PRRT3: variants seen among roughly 807,000 people sequenced by gnomAD.
The protein encoded by PRRT3 is proline-rich transmembrane protein 3.
PRRT3 carries 48 observed loss-of-function variants against 56.6 expected under a neutral mutation model. The ratio of observed to expected loss-of-function variants is 0.85; its 90% CI spans 0.67 to 1.08. The LOEUF is 1.08. Among genes scored for constraint, PRRT3 ranks in the 50% least tolerant of loss-of-function variants. The pLI is 0.00. For missense variants in PRRT3, 1,370 were observed against 1,353.1 expected, an observed-to-expected ratio of 1.01 and a Z score of -0.20; for synonymous variants, 641 against 619.1, an observed-to-expected ratio of 1.04 and a Z score of -0.52.
rs938172555 is a variant in PRRT3 at position 9,946,870 on chromosome 3, C to A, written c.2303G>T (p.Ser768Ile). Residue 768 changes from serine (S) to isoleucine (I), a missense_variant, in exon 4 of 4, where the codon AGT becomes ATT. Coordinates refer to ENST00000412055, the MANE Select transcript of PRRT3 (RefSeq NM_207351.5). The surrounding 1 kb of genome is among the most constrained non-coding windows in gnomAD (Gnocchi z 4.1). The stretch of plus-strand genomic sequence containing the variant: ...CGCAGCCGAGCCCCAGGCGCCTGAA[C>A]TGGGCGTGGCCAGCTGCCCACTCTC... Reference protein sequence around the residue: ...PAESGQLATPSSGAWGSAASL... With the variant: ...PAESGQLATPISGAWGSAASL... The A allele has an allele frequency of 9.1e-6, 14 of 1,539,074 alleles. No homozygotes were observed. Among genetic ancestry groups the A allele is most frequent in the Non-Finnish European group, 1.2e-5 (14 of 1,148,316 alleles).
rs777969629 is a variant in PRRT3 at position 9,946,260 on chromosome 3, G to C, written c.2913C>G (p.Ser971=). 6.2e-7 allele frequency: 1 copy of C among 1,612,782 alleles called. No homozygotes were observed. The change falls in exon 4 of 4, where the codon TCC becomes TCG. Residue 971 remains serine, a synonymous_variant. Transcript: ENST00000412055. This position sits in a 1 kb window ranked among gnomAD's most constrained non-coding sequence, Gnocchi z 4.1. The part of the protein sequence containing the change: ...EVQPRGKPGE[S]RSASSDTIEL ...CGATGGTATCACTGGAGGCGCTGCG[G>C]GATTCCCCAGGCTTGCCGCGCGGCT... is the stretch of plus-strand genomic sequence containing the variant.
At position 9,946,301 on chromosome 3, in the gene PRRT3, C is replaced by T; in HGVS notation, c.2872G>A (p.Gly958Ser). 6.2e-7 allele frequency: 1 copy of T among 1,612,714 alleles called. No homozygotes were observed. Among genetic ancestry groups the T allele is most frequent in the Non-Finnish European group, 8.5e-7 (1 of 1,179,844 alleles). Reference protein sequence around the residue: ...PDSTAARQGDGQGEVQPRGKP... With the variant: ...PDSTAARQGDSQGEVQPRGKP... Reference sequence around the variant, plus strand: ...CCGCGCGGCTGGACCTCTCCCTGGCCGTCCCCCTGCCGAGCGGCGGTAGAA... The same window carrying T: ...CCGCGCGGCTGGACCTCTCCCTGGCTGTCCCCCTGCCGAGCGGCGGTAGAA... Residue 958 changes from glycine to serine, a missense_variant, in exon 4 of 4, where the codon GGC becomes AGC. Transcript: ENST00000412055. The surrounding 1 kb of genome is among the most constrained non-coding windows in gnomAD (Gnocchi z 4.1).
chr3:9,949,080 A>T lies in PRRT3; in HGVS notation c.1015+21T>A, dbSNP rs373223314. On this transcript the variant is annotated intron_variant, in intron 2 of 3. Transcript: ENST00000412055. The surrounding 1 kb of genome is among the most constrained non-coding windows in gnomAD (Gnocchi z 4.5). ...ATCCAGCTGCCCCAGAACATCGCTC[A>T]GCACACTCATTGATACCCACCTGGC... 1.3e-5 allele frequency: 20 copies of T among 1,574,232 alleles called. No individual in the cohort carries two copies. The African/African-American group carries it at 2.6e-4, about 20-fold the overall frequency.
Position 9,947,233 on chromosome 3 carries a change from C to G in PRRT3, c.1940G>C (p.Gly647Ala). The change falls in exon 4 of 4, where the codon GGG (glycine) becomes GCG (alanine). Residue 647 changes from glycine to alanine, a missense_variant. By Grantham distance (60) the Gly-to-Ala change is moderately conservative. Transcript: ENST00000412055. The surrounding 1 kb of genome is among the most constrained non-coding windows in gnomAD (Gnocchi z 9.2). ...CAGCTGCAAGCCGCTAGCCAGCAGC[C>G]CCAGCGCGCCCGCCACAGCCAACAG... ...PRLLAVAGAL[G>A]LLASGLQLAA... The G allele has an allele frequency of 6.7e-7, 1 of 1,491,882 alleles. No homozygotes were observed. 92.4% of individuals were successfully genotyped at this position (1,491,882 alleles called of 1,614,324 possible).
In PRRT3 at chr3:9,947,261, G is replaced by A; in HGVS notation, c.1912C>T (p.Arg638Trp). Residue 638 changes from arginine to tryptophan, a missense_variant, in exon 4 of 4, where the codon CGG (arginine) becomes TGG (tryptophan). Arg to Trp is a moderately radical substitution (Grantham distance 101). Transcript: ENST00000412055. This position sits in a 1 kb window ranked among gnomAD's most constrained non-coding sequence, Gnocchi z 9.2. ...PRGWDASPGP[R>W]LLAVAGALGL... is the part of the protein sequence containing the mutation. ...AGCGCGCCCGCCACAGCCAACAGCCGAGGGCCCGGGCTGGCATCCCAGCCC... is the reference window on the plus strand; with the variant it reads ...AGCGCGCCCGCCACAGCCAACAGCCAAGGGCCCGGGCTGGCATCCCAGCCC... The A allele has an allele frequency of 6.6e-7, 1 of 1,512,966 alleles. No homozygotes were observed. 93.7% of individuals were successfully genotyped at this position (1,512,966 alleles called of 1,614,324 possible). A position where few individuals can be genotyped will look rare whatever the true frequency, so the allele number is the denominator to read the frequency against.
At position 9,947,487 on chromosome 3, in the gene PRRT3, C is replaced by G. The variant is rs758306980; in HGVS notation, c.1686G>C (p.Ala562=). 10 of 1,612,284 alleles carry G rather than the reference C, an allele frequency of 6.2e-6. No homozygotes were observed. Among genetic ancestry groups the G allele is most frequent in the Non-Finnish European group, 8.5e-6 (10 of 1,179,642 alleles). The change falls in exon 4 of 4, where the codon GCG becomes GCC. Residue 562 remains alanine (A), a synonymous_variant. Transcript: ENST00000412055. The surrounding 1 kb of genome is among the most constrained non-coding windows in gnomAD (Gnocchi z 9.2). The part of the protein sequence containing the change: ...LAALTLLGLG[A]GLPPPLQNPL... ...GGTTTTGCAGCGGTGGCGGCAGCCC[C>G]GCGCCCAGGCCGAGCAGAGTCAGGG... is the stretch of plus-strand genomic sequence containing the variant.
chr3:9,946,944 A>C lies in PRRT3; in HGVS notation c.2229T>G (p.Val743=). The change falls in exon 4 of 4, where the codon GTT becomes GTG. Residue 743 remains valine, a synonymous_variant. Coordinates refer to ENST00000412055, the MANE Select transcript of PRRT3 (RefSeq NM_207351.5). The surrounding 1 kb of genome is among the most constrained non-coding windows in gnomAD (Gnocchi z 4.1). ...TGCTGATGTCCAAGCTGCCTGCACC[A>C]ACGTTGCTGGGCCCTGCATAGCAGT... is the stretch of plus-strand genomic sequence containing the variant. ...PNNCYAGPSN[V]GAGSLDISKS... The C allele has an allele frequency of 1.3e-6, 2 of 1,542,188 alleles. No individual in the cohort carries two copies. Among genetic ancestry groups the C allele is most frequent in the Non-Finnish European group, 1.7e-6 (2 of 1,149,078 alleles).
At chr3:9,948,106 C>G in intron 3 of PRRT3, 105 bp from the exon 4 acceptor site, 10 of 1,219,412 alleles carry the variant, frequency 8.2e-6, no homozygotes, top group Non-Finnish European at 1.0e-5. Flanking sequence ...AACAAATCTG[C>G]AAAATGGAGA....
In PRRT3 at chr3:9,946,576, G is replaced by T. The variant is rs1192984014; in HGVS notation, c.2597C>A (p.Ser866Ter). The T allele has an allele frequency of 5.0e-6, 7 of 1,410,272 alleles. No homozygotes were observed. Among genetic ancestry groups the T allele is most frequent in the Non-Finnish European group, 6.5e-6 (7 of 1,084,400 alleles). 87.4% of individuals were successfully genotyped at this position (1,410,272 alleles called of 1,614,324 possible). A position where few individuals can be genotyped will look rare whatever the true frequency, so the allele number is the denominator to read the frequency against. ...CGACCTGCAGCGGCCGCGGAGGAGCGAGGAGCCAGCGTCGTCGAGCTCGGC... is the reference window on the plus strand; with the variant it reads ...CGACCTGCAGCGGCCGCGGAGGAGCTAGGAGCCAGCGTCGTCGAGCTCGGC... ...PKAELDDAGS[S>*]LLRGRCRSLS... The change falls in exon 4 of 4, where the codon TCG (serine) becomes TAG (stop). Residue 866 changes from serine (S) to a stop codon, truncating the protein, a stop_gained. Coordinates refer to ENST00000412055, the MANE Select transcript of PRRT3 (RefSeq NM_207351.5). LOFTEE classifies it low-confidence loss of function (END_TRUNC). This position sits in a 1 kb window ranked among gnomAD's most constrained non-coding sequence, Gnocchi z 4.1.
chr3:9,946,434 C>A lies in PRRT3; in HGVS notation c.2739G>T (p.Lys913Asn). Reference sequence around the variant, plus strand: ...CGTGGCGCCAGGGGTTCCAACTGATCTTGAGTGAACCCCTGGAGAAGCTGT... The same window carrying A: ...CGTGGCGCCAGGGGTTCCAACTGATATTGAGTGAACCCCTGGAGAAGCTGT... ...SLDSFSRGSL[K>N]ISWNPWRHGL... is the part of the protein sequence containing the mutation. The change falls in exon 4 of 4, where the codon AAG becomes AAT. Residue 913 changes from lysine (K) to asparagine (N), a missense_variant. By Grantham distance (94) the Lys-to-Asn change is moderately conservative. Coordinates refer to ENST00000412055, the MANE Select transcript of PRRT3 (RefSeq NM_207351.5). This position sits in a 1 kb window ranked among gnomAD's most constrained non-coding sequence, Gnocchi z 4.1. The A allele has an allele frequency of 6.3e-7, 1 of 1,596,044 alleles. No individual in the cohort carries two copies. The highest frequency in any genetic ancestry group is 1.1e-5 in the South Asian group (1 of 89,120).
Position 9,949,101 on chromosome 3 carries a change from C to A in PRRT3, c.1015G>T (p.Glu339Ter), listed in dbSNP as rs1365656976. The change falls in exon 2 of 4, where the codon GAG becomes TAG. Residue 339 changes from glutamate (E) to a stop codon, truncating the protein, a stop_gained and splice_region_variant. Transcript: ENST00000412055. LOFTEE classifies it high-confidence loss of function. This position sits in a 1 kb window ranked among gnomAD's most constrained non-coding sequence, Gnocchi z 4.5. ...GCTCAGCACACTCATTGATACCCAC[C>A]TGGCTTAGACGGCCGATCAGGAGCC... ...SEAPDRPSKP[E>*]RAAMNGADPI... The A allele has an allele frequency of 1.3e-6, 2 of 1,596,104 alleles. No homozygotes were observed. The highest frequency in any genetic ancestry group is 1.8e-5 in the Admixed American group (1 of 56,396).
chr3:9,950,832 A>C (rs1265186397), intron 1 of PRRT3, among the ~76,000 whole-genome samples: 1 of 152,194 alleles, frequency 6.6e-6, no homozygotes, highest in Non-Finnish European at 1.5e-5. Context: ...GCCCACTTCA[A>C]AAATGAGAGA....
rs374462879 is a variant in PRRT3, at chr3:9,948,740, C to A, written c.1171+18G>T. 6.2e-7 allele frequency: 1 copy of A among 1,613,870 alleles called. No homozygotes were observed. Among genetic ancestry groups the A allele is most frequent in the Non-Finnish European group, 8.5e-7 (1 of 1,179,942 alleles). ...AGACAGAGCACTCCCTCTCCCCACACCCCAGCCATGCTCTCACCTGGCTGC... is the reference window on the plus strand; with the variant it reads ...AGACAGAGCACTCCCTCTCCCCACAACCCAGCCATGCTCTCACCTGGCTGC... On this transcript the variant is annotated intron_variant, in intron 3 of 3. Coordinates refer to ENST00000412055, the MANE Select transcript of PRRT3 (RefSeq NM_207351.5).
At position 9,947,875 on chromosome 3, in the gene PRRT3, G is replaced by T; in HGVS notation, c.1298C>A (p.Pro433His). 7.0e-7 allele frequency: 1 copy of T among 1,427,772 alleles called. No homozygotes were observed. Among genetic ancestry groups the T allele is most frequent in the Admixed American group, 3.2e-5 (1 of 31,626 alleles). The allele number at this position is 1,427,772 out of a possible 1,614,324, so 88.4% of individuals were successfully genotyped here. The change falls in exon 4 of 4, where the codon CCT becomes CAT. Residue 433 changes from proline to histidine, a missense_variant. Pro to His is a moderately conservative substitution (Grantham distance 77). Coordinates refer to ENST00000412055, the MANE Select transcript of PRRT3 (RefSeq NM_207351.5). This position sits in a 1 kb window ranked among gnomAD's most constrained non-coding sequence, Gnocchi z 9.2. ...TTQRALGQPP[P>H]PEPTASSMAS... Reference sequence around the variant, plus strand: ...CATGGAGCTGGCGGTGGGCTCCGGAGGGGGAGGCTGGCCCAGGGCTCGCTG... The same window carrying T: ...CATGGAGCTGGCGGTGGGCTCCGGATGGGGAGGCTGGCCCAGGGCTCGCTG...
Position 9,947,006 on chromosome 3 carries a change from G to A in PRRT3, c.2167C>T (p.Pro723Ser). The A allele has an allele frequency of 2.6e-6, 4 of 1,541,930 alleles. No individual in the cohort carries two copies. The highest frequency in any genetic ancestry group is 1.2e-5 in the South Asian group (1 of 84,578). Residue 723 changes from proline (P) to serine (S), a missense_variant, in exon 4 of 4, where the codon CCG (proline) becomes TCG (serine). Pro to Ser is a moderately conservative substitution (Grantham distance 74). Coordinates refer to ENST00000412055, the MANE Select transcript of PRRT3 (RefSeq NM_207351.5). The surrounding 1 kb of genome is among the most constrained non-coding windows in gnomAD (Gnocchi z 9.2). ...TCCGGCACCTCGCTCTTTCCTGACG[G>A]CGCCGGGCACGCCAGACGCATCAGC... is the stretch of plus-strand genomic sequence containing the variant. The part of the protein sequence containing the change: ...AKLMRLACPA[P>S]SGKSEVPERP...
intron 1 of PRRT3, among the ~76,000 whole-genome samples, 153 bp downstream of exon 1, chr3:9,952,169 G>T (rs936486503): frequency 6.6e-6 from 1 of 151,742 alleles, no homozygotes; most frequent in Non-Finnish European, 1.5e-5. Context: ...CTCCTCCTCC[G>T]TCTCCTCTCT....
At position 9,946,532 on chromosome 3, in the gene PRRT3, G is replaced by T. The variant is rs1222058094; in HGVS notation, c.2641C>A (p.Arg881Ser). 1 of 1,467,134 alleles carries T rather than the reference G, an allele frequency of 6.8e-7. No homozygotes were observed. Among genetic ancestry groups the T allele is most frequent in the South Asian group, 1.4e-5 (1 of 73,884 alleles). 90.9% of individuals were successfully genotyped at this position (1,467,134 alleles called of 1,614,324 possible). Residue 881 changes from arginine (R) to serine (S), a missense_variant, in exon 4 of 4, where the codon CGC (arginine) becomes AGC (serine). Arg to Ser is a moderately radical substitution (Grantham distance 110). Coordinates refer to ENST00000412055, the MANE Select transcript of PRRT3 (RefSeq NM_207351.5). The surrounding 1 kb of genome is among the most constrained non-coding windows in gnomAD (Gnocchi z 4.1). Reference sequence around the variant, plus strand: ...ACTACGTGCTGTGGGACCGGCCCGCGCACGCGCACGTCGCTGAGCGACCTG... The same window carrying T: ...ACTACGTGCTGTGGGACCGGCCCGCTCACGCGCACGTCGCTGAGCGACCTG... ...RCRSLSDVRV[R>S]GPVPQHVVEA...
Position 9,946,544 on chromosome 3 carries a change from C to G in PRRT3, c.2629G>C (p.Asp877His). ...LLRGRCRSLSDVRVRGPVPQH... is the reference protein window; with the variant it reads ...LLRGRCRSLSHVRVRGPVPQH... ...GGGACCGGCCCGCGCACGCGCACGT[C>G]GCTGAGCGACCTGCAGCGGCCGCGG... Residue 877 changes from aspartate to histidine, a missense_variant, in exon 4 of 4, where the codon GAC becomes CAC. Coordinates refer to ENST00000412055, the MANE Select transcript of PRRT3 (RefSeq NM_207351.5). This position sits in a 1 kb window ranked among gnomAD's most constrained non-coding sequence, Gnocchi z 4.1. 1 of 1,446,140 alleles carries G rather than the reference C, an allele frequency of 6.9e-7. No individual in the cohort carries two copies. The highest frequency in any genetic ancestry group is 9.1e-7 in the Non-Finnish European group (1 of 1,097,858). The allele number at this position is 1,446,140 out of a possible 1,614,324, so 89.6% of individuals were successfully genotyped here. A position where few individuals can be genotyped will look rare whatever the true frequency, so the allele number is the denominator to read the frequency against.
chr3:9,946,189 C>G lies in PRRT3; in HGVS notation c.*38G>C. 6.3e-7 allele frequency: 1 copy of G among 1,585,590 alleles called. No individual in the cohort carries two copies. Among genetic ancestry groups the G allele is most frequent in the Non-Finnish European group, 8.6e-7 (1 of 1,165,128 alleles). Reference sequence around the variant, plus strand: ...GTCCCAGTAGGCCATGCCATGTGGGCATCGGGCAGGGTCCTGGCCCTGCGT... The same window carrying G: ...GTCCCAGTAGGCCATGCCATGTGGGGATCGGGCAGGGTCCTGGCCCTGCGT... On this transcript the variant is annotated 3_prime_UTR_variant, in exon 4 of 4. Transcript: ENST00000412055. This position sits in a 1 kb window ranked among gnomAD's most constrained non-coding sequence, Gnocchi z 4.1.
Sources: gnomAD v4.1 joint callset for allele counts (sites outside exome capture counted in the v4.1 genomes callset) on GRCh38, gnomAD v4.1.1 for gene constraint, Gnocchi (gnomAD v3.1) non-coding constraint, MANE v1.5 for transcripts, NCBI Gene and HGNC (gene_info 2026-07-23, HGNC 2026-07-21) for gene names.